Variants in CAPN13 observed in about 807,000 individuals in gnomAD.
CAPN13 encodes calpain 13.
Under a neutral mutation model 98.4 loss-of-function variants are expected in CAPN13, and 90 were observed. The observed-to-expected ratio is 0.92, with a 90% confidence interval of 0.77 to 1.09. The LOEUF is 1.09. Ranked by LOEUF, CAPN13 falls within the 50% of genes least tolerant of loss-of-function variation. The pLI, the probability that CAPN13 is intolerant of heterozygous loss-of-function variation, is 0.00. For synonymous variants in CAPN13, 330 were observed against 305.5 expected (o/e 1.08, Z -0.84); for missense variants, 887 against 841.3 (o/e 1.05, Z -0.67).
intron 3 of CAPN13, 87 bp downstream of exon 3, chr2:30,777,480 C>A: frequency 8.1e-7 from 1 of 1,234,190 alleles, no homozygotes; most frequent in Non-Finnish European, 1.2e-6. Flanking sequence ...GCCTTTCTCC[C>A]TCAGAAGTGG....
In CAPN13 at chr2:30,763,017, G is replaced by A. The variant is rs1323309681; in HGVS notation, c.774+65C>T. ...CTTTCATGTGATTCTGGCCCCTATT[G>A]AGAGGAACAAGAACACTGGGGCAGA... On this transcript the variant is annotated intron_variant, in intron 7 of 22. Transcript: ENST00000295055. 3.0e-6 allele frequency: 4 copies of A among 1,327,936 alleles called. No individual in the cohort carries two copies. The East Asian group carries it at 7.5e-5, about 25-fold the overall frequency. The allele number at this position is 1,327,936 out of a possible 1,614,324, so 82.3% of individuals were successfully genotyped here.
intron 15 of CAPN13, 107 bp downstream of exon 15, chr2:30,741,801 A>G (rs969114079): frequency 8.9e-6 from 14 of 1,575,366 alleles, no homozygotes; most frequent in Non-Finnish European, 1.2e-5. Context: ...TAGTCCATCA[A>G]GTCACTTCTC....
intron 1 of CAPN13, among the ~76,000 whole-genome samples, chr2:30,800,178 AAGAAAGAAAGAAAACTACGT>A (rs1675181603): frequency 6.6e-6 from 1 of 151,096 alleles, no homozygotes; most frequent in Non-Finnish European, 1.5e-5. Context: ...GAAAGAAAGA[AAGAAAGAAAGAAAACTACGT>A]AGACCTGGAA....
At chr2:30,792,037 G>A (rs553788431) in intron 1 of CAPN13, among the ~76,000 whole-genome samples, 12 of 151,952 alleles carry the variant, frequency 7.9e-5, no homozygotes, top group African/African-American at 1.7e-4. Flanking sequence ...ATTCACAGGC[G>A]GAATTCAATA....
At chr2:30,801,450 C>G (rs760246153) in intron 1 of CAPN13, among the ~76,000 whole-genome samples, 1 of 151,416 alleles carries the variant, frequency 6.6e-6, no homozygotes, top group Non-Finnish European at 1.5e-5. Context: ...CCTAACAATA[C>G]AAAAACTAGC....
intron 15 of CAPN13, among the ~76,000 whole-genome samples, chr2:30,740,186 G>C (rs112420748): frequency 0.011 from 1,619 of 147,312 alleles, 28 homozygotes; most frequent in African/African-American, 0.039. Flanking sequence ...CCTCTGCCTC[G>C]TGGGTTCAGG....
chr2:30,728,022 A>G (rs1429443964), intron 22 of CAPN13, among the ~76,000 whole-genome samples: 1 of 152,028 alleles, frequency 6.6e-6, no homozygotes, highest in Non-Finnish European at 1.5e-5. Context: ...GAATCCTGAC[A>G]GCATTACGCT....
At chr2:30,735,189 A>G (rs535636709) in intron 18 of CAPN13, among the ~76,000 whole-genome samples, 1 of 152,262 alleles carries the variant, frequency 6.6e-6, no homozygotes, top group Admixed American at 6.5e-5. Flanking sequence ...ACCTCTATCC[A>G]ATTCTCTGTA....
intron 22 of CAPN13, among the ~76,000 whole-genome samples, chr2:30,729,339 C>T (rs1451144454): frequency 6.6e-6 from 1 of 152,182 alleles, no homozygotes; most frequent in African/African-American, 2.4e-5. Flanking sequence ...ACGACAATGC[C>T]TCTAATATTA....
chr2:30,794,834 T>C (rs1487075580), intron 1 of CAPN13, among the ~76,000 whole-genome samples: 2 of 151,886 alleles, frequency 1.3e-5, no homozygotes, highest in Non-Finnish European at 2.9e-5. Flanking sequence ...AAATGCAAAC[T>C]AATGTACCAT....
chr2:30,796,494 T>A (rs1344010941), intron 1 of CAPN13, among the ~76,000 whole-genome samples: 2 of 151,986 alleles, frequency 1.3e-5, no homozygotes, highest in Non-Finnish European at 2.9e-5. Flanking sequence ...CTGTGTCCTG[T>A]CCTATTCTAC....
chr2:30,798,249 T>C (rs995048132), intron 1 of CAPN13, among the ~76,000 whole-genome samples: 6 of 152,236 alleles, frequency 3.9e-5, no homozygotes, highest in Non-Finnish European at 8.8e-5. Flanking sequence ...TATTGCATGG[T>C]ACTGAAGAAG....
At chr2:30,786,402 T>C (rs1674283962) in intron 2 of CAPN13, among the ~76,000 whole-genome samples, 2 of 152,134 alleles carry the variant, frequency 1.3e-5, no homozygotes, top group South Asian at 4.1e-4. Context: ...CTGATGAGAT[T>C]ATCAGAATGT....
In CAPN13 at chr2:30,723,949, T is replaced by C. The variant is rs142459008; in HGVS notation, c.*31-713A>G. The stretch of plus-strand genomic sequence containing the variant: ...AAAAATAGCAGGTTCTTGTCCCATT[T>C]CTATCCAAATTCCCCTCCCTAAACT... On this transcript the variant is annotated intron_variant, in intron 22 of 22. Transcript: ENST00000295055. 9.2e-5 allele frequency among the ~76,000 whole-genome samples: 14 copies of C among 152,318 alleles called. No homozygotes were observed. In the East Asian group the frequency reaches 2.7e-3, roughly 29 times the overall value.
intron 4 of CAPN13, among the ~76,000 whole-genome samples, chr2:30,771,001 C>G (rs966273325): frequency 6.6e-6 from 1 of 152,132 alleles, no homozygotes; most frequent in Non-Finnish European, 1.5e-5. Context: ...TCAGGAGGAC[C>G]GAGCAGTGAC....
At chr2:30,728,798 T>C (rs538152625) in intron 22 of CAPN13, among the ~76,000 whole-genome samples, 7 of 152,044 alleles carry the variant, frequency 4.6e-5, no homozygotes, top group Non-Finnish European at 1.0e-4. Flanking sequence ...TGAGTAGATA[T>C]AGGAAAATCA....
intron 3 of CAPN13, among the ~76,000 whole-genome samples, chr2:30,777,121 G>A (rs1673739484): frequency 6.6e-6 from 1 of 152,172 alleles, no homozygotes; most frequent in Non-Finnish European, 1.5e-5. Context: ...GAACAGCCCA[G>A]GTACCTCCTC....
chr2:30,733,318 T>TA (rs1671197393), intron 19 of CAPN13, among the ~76,000 whole-genome samples: 1 of 92,118 alleles, frequency 1.1e-5, no homozygotes, highest in African/African-American at 4.6e-5. Context: ...CGAATGCCTT[T>TA]AGATAAGCCA....
At chr2:30,784,107 G>C (rs1216427340) in intron 2 of CAPN13, among the ~76,000 whole-genome samples, 1 of 151,954 alleles carries the variant, frequency 6.6e-6, no homozygotes, top group Non-Finnish European at 1.5e-5. Flanking sequence ...TTGAACCCAG[G>C]AGGTGGAGGT....
Sources: gnomAD v4.1 joint callset for allele counts (sites outside exome capture counted in the v4.1 genomes callset) on GRCh38, gnomAD v4.1.1 for gene constraint, MANE v1.5 for transcripts, NCBI Gene and HGNC (gene_info 2026-07-23, HGNC 2026-07-21) for gene names.